Variants in FAM168A observed in about 807,000 individuals in gnomAD.
FAM168A encodes protein FAM168A.
Under a neutral mutation model 28.5 loss-of-function variants are expected in FAM168A, and 3 were observed. The observed-to-expected ratio is 0.11, with a 90% CI of 0.05 to 0.27. The LOEUF is 0.27. Ranked by LOEUF, FAM168A falls within the 10% of genes least tolerant of loss-of-function variation. The pLI, the probability that FAM168A is intolerant of heterozygous loss-of-function variation, is 1.00. For synonymous variants in FAM168A, 122 were observed against 124.2 expected, an observed-to-expected ratio of 0.98 and a Z score of 0.12; for missense variants, 222 against 311.5, an observed-to-expected ratio of 0.71 and a Z score of 2.16.
chr11:73,468,941 G>A (rs1368180849), intron 1 of FAM168A, among the ~76,000 whole-genome samples: 2 of 152,234 alleles, frequency 1.3e-5, no homozygotes, highest in Non-Finnish European at 2.9e-5. Flanking sequence ...CGGTTCACTA[G>A]AGGAGCTTGG....
At chr11:73,511,052 C>T (rs1275172663) in intron 1 of FAM168A, among the ~76,000 whole-genome samples, 2 of 152,006 alleles carry the variant, frequency 1.3e-5, no homozygotes, top group African/African-American at 4.8e-5. Context: ...AAAGGAACCT[C>T]GTGGCCCAGA....
intron 1 of FAM168A, among the ~76,000 whole-genome samples, chr11:73,555,689 CAG>C: frequency 6.7e-6 from 1 of 149,936 alleles, no homozygotes; most frequent in Non-Finnish European, 1.5e-5. Context: ...GCCTGGGTGA[CAG>C]AGTAAGATTC....
rs56294455 is a variant in FAM168A at position 73,445,419 on chromosome 11, C to CTTTTTTT, written c.71-14656_71-14650dup. Among the ~76,000 whole-genome samples the CTTTTTTT allele has an allele frequency of 3.6e-4, 18 of 50,458 alleles. 1 individual carries two copies. The highest frequency in any genetic ancestry group is 5.7e-4 in the African/African-American group (8 of 14,032). The allele number at this position is 50,458 out of a possible 152,430, so 33.1% of individuals were successfully genotyped here. The stretch of plus-strand genomic sequence containing the variant: ...CCAGTAGATATATGTAAAAATGTCT[C>CTTTTTTT]TTTTTTTTTTTTTTTTTTTTTTTTT... On this transcript the variant is annotated intron_variant, in intron 2 of 7. Coordinates refer to ENST00000356467, the MANE Select transcript of FAM168A (RefSeq NM_015159.3).
At chr11:73,411,614 A>G in intron 4 of FAM168A, 78 bp from the exon 5 acceptor site, 1 of 1,452,498 alleles carries the variant, frequency 6.9e-7, no homozygotes, top group Admixed American at 1.8e-5. Flanking sequence ...CCCAGTCACG[A>G]CTCCCCAGAC....
intron 1 of FAM168A, among the ~76,000 whole-genome samples, chr11:73,565,183 G>A (rs948390411): frequency 2.0e-5 from 3 of 152,170 alleles, no homozygotes; most frequent in Admixed American, 1.3e-4. Flanking sequence ...AACCTTACAG[G>A]AGGATGTTTC....
chr11:73,530,611 C>T (rs1943504533), intron 1 of FAM168A, among the ~76,000 whole-genome samples: 1 of 152,186 alleles, frequency 6.6e-6, no homozygotes, highest in South Asian at 2.1e-4. Flanking sequence ...TTTCACTTTT[C>T]CCTCAGCCTT....
chr11:73,566,842 A>G (rs1944025566), intron 1 of FAM168A, among the ~76,000 whole-genome samples: 1 of 152,212 alleles, frequency 6.6e-6, no homozygotes, highest in Non-Finnish European at 1.5e-5. Context: ...GCATGAGGAG[A>G]AAACAGTCAA....
chr11:73,520,758 A>G (rs902980503), intron 1 of FAM168A, among the ~76,000 whole-genome samples: 1 of 152,104 alleles, frequency 6.6e-6, no homozygotes, highest in South Asian at 2.1e-4. Flanking sequence ...CAGAACATCA[A>G]TGAGGCTCCC....
chr11:73,448,935 TTTTG>T (rs1435035552), intron 2 of FAM168A, among the ~76,000 whole-genome samples: 2 of 152,124 alleles, frequency 1.3e-5, no homozygotes, highest in South Asian at 2.1e-4. Flanking sequence ...TCCTGTTTTG[TTTTG>T]TTTTTTTCTC....
chr11:73,432,082 C>A (rs1397373908), intron 2 of FAM168A, among the ~76,000 whole-genome samples: 1 of 152,140 alleles, frequency 6.6e-6, no homozygotes, highest in Non-Finnish European at 1.5e-5. Context: ...TAAGGTTCAT[C>A]CATGTTGTAA....
intron 2 of FAM168A, among the ~76,000 whole-genome samples, chr11:73,463,264 G>A (rs1298284673): frequency 6.6e-6 from 1 of 152,166 alleles, no homozygotes; most frequent in African/African-American, 2.4e-5. Context: ...ACCGCGCCCA[G>A]CCAAGATAGT....
intron 2 of FAM168A, among the ~76,000 whole-genome samples, chr11:73,438,186 A>T (rs1036657276): frequency 5.9e-5 from 9 of 152,184 alleles, no homozygotes; most frequent in African/African-American, 2.2e-4. Context: ...GCAGGGTGCT[A>T]GGTTCTTTAC....
chr11:73,541,905 A>G (rs1199097806), intron 1 of FAM168A, among the ~76,000 whole-genome samples: 5 of 152,206 alleles, frequency 3.3e-5, no homozygotes, highest in African/African-American at 7.2e-5. Flanking sequence ...GAACTATCCA[A>G]TGTCCCAGTT....
chr11:73,525,401 C>T (rs967714101), intron 1 of FAM168A, among the ~76,000 whole-genome samples: 21 of 152,068 alleles, frequency 1.4e-4, no homozygotes, highest in African/African-American at 4.8e-4. Flanking sequence ...AGTTTGACTA[C>T]CTATATCTGG....
chr11:73,487,715 C>T (rs1277098533), intron 1 of FAM168A, among the ~76,000 whole-genome samples: 1 of 152,128 alleles, frequency 6.6e-6, no homozygotes, highest in East Asian at 1.9e-4. Flanking sequence ...TTACTAATAA[C>T]TGAAACCTTT....
chr11:73,503,862 C>T (rs1330682016), intron 1 of FAM168A, among the ~76,000 whole-genome samples: 1 of 152,158 alleles, frequency 6.6e-6, no homozygotes, highest in Non-Finnish European at 1.5e-5. Flanking sequence ...CATCTACAAA[C>T]ATCTGATCTT....
intron 1 of FAM168A, among the ~76,000 whole-genome samples, chr11:73,523,722 T>C (rs1235323754): frequency 6.6e-6 from 1 of 152,144 alleles, no homozygotes; most frequent in Non-Finnish European, 1.5e-5. Flanking sequence ...GTGCTTGGAT[T>C]ACAGGTGTGA....
At chr11:73,497,825 A>C (rs1219426158) in intron 1 of FAM168A, among the ~76,000 whole-genome samples, 4 of 152,218 alleles carry the variant, frequency 2.6e-5, no homozygotes, top group Non-Finnish European at 5.9e-5. Context: ...TGGGTACAGC[A>C]AACCAACATG....
intron 1 of FAM168A, among the ~76,000 whole-genome samples, chr11:73,485,488 T>C (rs1868041146): frequency 1.3e-5 from 2 of 152,196 alleles, no homozygotes; most frequent in South Asian, 4.1e-4. Context: ...CGTGAATGAA[T>C]GATAGACAAT....
Sources: allele counts gnomAD v4.1 joint callset (sites outside exome capture counted in the v4.1 genomes callset), GRCh38; gene constraint gnomAD v4.1.1; transcripts MANE v1.5; gene names NCBI Gene and HGNC (gene_info 2026-07-23, HGNC 2026-07-21).